Variants in FER1L6 observed in about 807,000 individuals in gnomAD.
FER1L6 encodes the protein fer-1-like protein 6.
In FER1L6, 177 loss-of-function variants were observed where a neutral mutation model predicts 219.2. That is an observed-to-expected ratio of 0.81 (90% CI 0.71 to 0.91). The LOEUF (loss-of-function observed/expected upper bound fraction) is 0.91, where lower values mean the gene tolerates loss of function less well. FER1L6 is among the 40% of genes least tolerant of loss of function. The pLI is 0.00. For synonymous variants in FER1L6, 768 were observed against 824.3 expected (o/e 0.93, Z 1.17); for missense variants, 2,153 against 2,259.9 (o/e 0.95, Z 0.96).
chr8:123,939,467 G>A (rs182716373), intron 1 of FER1L6, among the ~76,000 whole-genome samples: 3 of 152,246 alleles, frequency 2.0e-5, no homozygotes, highest in East Asian at 3.9e-4. Flanking sequence ...AGATTTATTC[G>A]GGGAGCATAA....
intron 1 of FER1L6, among the ~76,000 whole-genome samples, chr8:123,928,919 A>C (rs1813664545): frequency 6.6e-6 from 1 of 152,198 alleles, no homozygotes; most frequent in Non-Finnish European, 1.5e-5. Flanking sequence ...AGGCACACCC[A>C]GGCAAGGTGT....
chr8:123,927,482 C>G (rs1353080043), intron 1 of FER1L6, among the ~76,000 whole-genome samples: 1 of 152,176 alleles, frequency 6.6e-6, no homozygotes, highest in Non-Finnish European at 1.5e-5. Context: ...ATAGAATTCA[C>G]AATTTTGTAT....
Position 123,938,538 on chromosome 8 carries a change from GA to G in FER1L6, c.-7-17451del, listed in dbSNP as rs1409502810. ...GTTTAAAAGCTTATACAATTTACCT[GA>G]AATTTTTTTTTTTTTTTTTTTTTTT... On this transcript the variant is annotated intron_variant, in intron 1 of 40. Transcript: ENST00000522917. Among the ~76,000 whole-genome samples, 110 of 122,742 alleles carry G rather than the reference GA, an allele frequency of 9.0e-4. 1 individual carries two copies. The highest frequency in any genetic ancestry group is 2.9e-3 in the African/African-American group (93 of 31,916). The allele number at this position is 122,742 out of a possible 152,430, so 80.5% of individuals were successfully genotyped here.
chr8:123,859,357 AG>A (rs35968523), intron 1 of FER1L6, among the ~76,000 whole-genome samples: 3,652 of 152,216 alleles, frequency 0.024, 137 homozygotes, highest in African/African-American at 0.083. Context: ...GGAAAGAGTC[AG>A]TCAAGCTAAT....
intron 12 of FER1L6, among the ~76,000 whole-genome samples, chr8:123,993,979 G>A (rs1816997023): frequency 6.6e-6 from 1 of 152,204 alleles, no homozygotes; most frequent in Admixed American, 6.5e-5. Context: ...GGCAGACTTA[G>A]GACCTCCTGT....
intron 15 of FER1L6, among the ~76,000 whole-genome samples, chr8:124,015,613 A>ATG (rs1417505835): frequency 7.3e-5 from 9 of 123,184 alleles, no homozygotes; most frequent in East Asian, 4.9e-4. Context: ...ATATATATAT[A>ATG]TATTACTCCT....
intron 7 of FER1L6, among the ~76,000 whole-genome samples, chr8:123,973,914 T>C (rs1351460764): frequency 6.6e-6 from 1 of 152,238 alleles, no homozygotes; most frequent in African/African-American, 2.4e-5. Context: ...TGAAGATAAC[T>C]TACTACTTCC....
In FER1L6 at chr8:123,916,342, T is replaced by C. The variant is rs563438983; in HGVS notation, c.-7-39650T>C. 2.6e-5 allele frequency among the ~76,000 whole-genome samples: 4 copies of C among 152,312 alleles called. No individual in the cohort carries two copies. In the South Asian group the frequency reaches 8.3e-4, roughly 32 times the overall value. Reference sequence around the variant, plus strand: ...ACAAAGATGCCCTTCAACAGAAACATGTATTCGGGATGCTGGCTCATGACT... The same window carrying C: ...ACAAAGATGCCCTTCAACAGAAACACGTATTCGGGATGCTGGCTCATGACT... On this transcript the variant is annotated intron_variant, in intron 1 of 40. Transcript: ENST00000522917.
intron 13 of FER1L6, among the ~76,000 whole-genome samples, chr8:124,005,993 T>A (rs569898185): frequency 2.6e-5 from 4 of 152,326 alleles, no homozygotes; most frequent in African/African-American, 9.6e-5. Context: ...TTGGGGTAAT[T>A]TTTCGTTCCC....
intron 1 of FER1L6, among the ~76,000 whole-genome samples, chr8:123,906,373 A>G (rs1258603843): frequency 6.6e-6 from 1 of 152,120 alleles, no homozygotes; most frequent in Non-Finnish European, 1.5e-5. Flanking sequence ...TAATTTCCAG[A>G]CATAGGAAAA....
intron 33 of FER1L6, among the ~76,000 whole-genome samples, chr8:124,083,026 T>C (rs998809765): frequency 2.2e-4 from 9 of 40,678 alleles, no homozygotes; most frequent in Non-Finnish European, 4.9e-4. Flanking sequence ...ACATATGGGG[T>C]ATATGACATG....
At chr8:124,016,310 A>G (rs184251101) in intron 15 of FER1L6, among the ~76,000 whole-genome samples, 1 of 152,318 alleles carries the variant, frequency 6.6e-6, no homozygotes, top group African/African-American at 2.4e-5. Flanking sequence ...AGTGTGTCCA[A>G]GGAGGATTTC....
At chr8:123,957,706 C>A (rs1815083477) in intron 2 of FER1L6, among the ~76,000 whole-genome samples, 1 of 152,158 alleles carries the variant, frequency 6.6e-6, no homozygotes, top group Non-Finnish European at 1.5e-5. Context: ...CTCCAGTTAA[C>A]AGCCCTCCCT....
At chr8:123,955,002 C>A (rs943339902) in intron 1 of FER1L6, among the ~76,000 whole-genome samples, 6 of 152,178 alleles carry the variant, frequency 3.9e-5, no homozygotes, top group African/African-American at 1.4e-4. Flanking sequence ...GCCCCAGAGC[C>A]CTGTTCTCAG....
chr8:124,091,555 A>G lies in FER1L6; in HGVS notation c.4524A>G (p.Gly1508=), dbSNP rs918345732. Residue 1508 remains glycine (G), a synonymous_variant, in exon 34 of 41, where the codon GGA becomes GGG. Coordinates refer to ENST00000522917, the MANE Select transcript of FER1L6 (RefSeq NM_001039112.2). ...AGATAGGAAACCAAGTCTTTTCTGG[A>G]AAAACTATCTTCACTGAAGAGGACA... ...KIQIGNQVFS[G]KTIFTEEDTD... 4 of 1,613,886 alleles carry G rather than the reference A, an allele frequency of 2.5e-6. No homozygotes were observed. The highest frequency in any genetic ancestry group is 2.5e-6 in the Non-Finnish European group (3 of 1,179,896).
At chr8:124,027,171 C>T (rs10099188) in intron 18 of FER1L6, among the ~76,000 whole-genome samples, 89,899 of 151,970 alleles carry the variant, frequency 0.59, 27,118 homozygotes, top group African/African-American at 0.67. Context: ...TCTGCATTGA[C>T]CCTATTTCCA....
rs760949512 is a variant in FER1L6 at position 124,101,212 on chromosome 8, G to A, written c.4999G>A (p.Glu1667Lys). ...GTTTCCCTTTCAGTATCTCCCAGCT[G>A]AGAAGCAAATGGTCATTACCAAGAG... ...FLFPFQYLPA[E>K]KQMVITKREN... Residue 1667 changes from glutamate (E) to lysine (K), a missense_variant, in exon 38 of 41, where the codon GAG becomes AAG. Physicochemically the swap from Glu to Lys is moderately conservative, Grantham distance 56. Transcript: ENST00000522917. 8 of 1,613,798 alleles carry A rather than the reference G, an allele frequency of 5.0e-6. No homozygotes were observed. Among genetic ancestry groups the A allele is most frequent in the Admixed American group, 3.3e-5 (2 of 59,966 alleles).
At chr8:123,961,920 G>A (rs4391416) in intron 2 of FER1L6, among the ~76,000 whole-genome samples, 1 of 141,044 alleles carries the variant, frequency 7.1e-6, no homozygotes, top group African/African-American at 2.7e-5. Flanking sequence ...TTGGAGTCTC[G>A]CTCTGTCTCC....
At chr8:123,934,764 G>T (rs903224628) in intron 1 of FER1L6, among the ~76,000 whole-genome samples, 10 of 152,122 alleles carry the variant, frequency 6.6e-5, no homozygotes, top group Non-Finnish European at 1.3e-4. Flanking sequence ...CACGTGTTGG[G>T]GGGGAGGGGT....
Sources: gnomAD v4.1 joint callset for allele counts (sites outside exome capture counted in the v4.1 genomes callset) on GRCh38, gnomAD v4.1.1 for gene constraint, MANE v1.5 for transcripts, NCBI Gene and HGNC (gene_info 2026-07-23, HGNC 2026-07-21) for gene names.